Variants in JADE1 observed in about 807,000 individuals in gnomAD.
The protein encoded by JADE1 is protein Jade-1.
JADE1 carries 14 observed loss-of-function variants against 81.8 expected under a neutral mutation model. The observed-to-expected ratio is 0.17, with a 90% CI of 0.11 to 0.27. The LOEUF is 0.27. Ranked by LOEUF, JADE1 falls within the 10% of genes least tolerant of loss-of-function variation. JADE1 has a pLI of 1.00. For synonymous variants in JADE1, 353 were observed against 391.9 expected (o/e 0.90, Z 1.17); for missense variants, 690 against 1,047.9 (o/e 0.66, Z 4.71).
In JADE1 at chr4:128,813,657, G is replaced by T. The variant is rs149836670; in HGVS notation, c.-27+3780G>T. Among the ~76,000 whole-genome samples the T allele has an allele frequency of 6.0e-3, 912 of 151,850 alleles. 8 individuals are homozygous for T. Among genetic ancestry groups the T allele is most frequent in the African/African-American group, 0.019 (795 of 41,396 alleles). On this transcript the variant is annotated intron_variant, in intron 1 of 10. Coordinates refer to ENST00000226319, the MANE Select transcript of JADE1 (RefSeq NM_199320.4). ...AGGCTGGTCTCGAACTCCTGACCTC[G>T]TGATCCGCCCGCCCCGGCCTCTCAA...
intron 2 of JADE1, among the ~76,000 whole-genome samples, chr4:128,838,483 C>T (rs1729160013): frequency 6.6e-6 from 1 of 152,136 alleles, no homozygotes; most frequent in Admixed American, 6.5e-5. Context: ...TCGTCATGTG[C>T]TTAAATTAGT....
At chr4:128,861,679 C>T (rs1329449941) in intron 8 of JADE1, 25 bp from the exon 9 acceptor site, 3 of 1,609,250 alleles carry the variant, frequency 1.9e-6, no homozygotes, top group African/African-American at 1.3e-5. Flanking sequence ...GGTCTATTCT[C>T]ATGTTCTTTG....
intron 1 of JADE1, among the ~76,000 whole-genome samples, chr4:128,820,689 T>C (rs192273310): frequency 2.2e-3 from 331 of 152,080 alleles, no homozygotes; most frequent in Non-Finnish European, 4.0e-3. Flanking sequence ...TCTCTCTCTT[T>C]TTTTTTTTTA....
chr4:128,831,870 A>G (rs112023730), intron 2 of JADE1, 60 bp downstream of exon 2: 3 of 1,444,252 alleles, frequency 2.1e-6, no homozygotes, highest in African/African-American at 2.8e-5. Context: ...TAAAAACATG[A>G]TTTTTTAATG....
At position 128,833,560 on chromosome 4, in the gene JADE1, TG is replaced by T; in HGVS notation, c.52+1752del. On this transcript the variant is annotated intron_variant, in intron 2 of 10. Coordinates refer to ENST00000226319, the MANE Select transcript of JADE1 (RefSeq NM_199320.4). ...TCTACTAAAAATTAGCTGGGCATGA[TG>T]GTGTGTGCCTGTAGTCCAGCTACTC... Among the ~76,000 whole-genome samples, 3 of 152,172 alleles carry T rather than the reference TG, an allele frequency of 2.0e-5. 1 individual carries two copies. In the South Asian group the frequency reaches 6.2e-4, roughly 32 times the overall value.
Position 128,809,885 on chromosome 4 carries a change from C to A in JADE1, c.-27+8C>A, listed in dbSNP as rs1228908564. Reference sequence around the variant, plus strand: ...CGAACCCCTCCGCAGCAGGTACGCGCGCGGGCCGCGGGGGGCGCGCGGGGT... The same window carrying A: ...CGAACCCCTCCGCAGCAGGTACGCGAGCGGGCCGCGGGGGGCGCGCGGGGT... On this transcript the variant is annotated splice_region_variant and intron_variant, in intron 1 of 10. Transcript: ENST00000226319. 6.7e-6 allele frequency: 1 copy of A among 148,304 alleles called. No homozygotes were observed. The highest frequency in any genetic ancestry group is 1.5e-5 in the Non-Finnish European group (1 of 66,332). 9.2% of individuals were successfully genotyped at this position (148,304 alleles called of 1,614,324 possible).
intron 5 of JADE1, among the ~76,000 whole-genome samples, chr4:128,851,784 C>T (rs1730379934): frequency 6.6e-6 from 1 of 152,152 alleles, no homozygotes; most frequent in South Asian, 2.1e-4. Context: ...CCACCGCAGG[C>T]TCTTGAGTAG....
intron 2 of JADE1, among the ~76,000 whole-genome samples, chr4:128,838,643 T>C (rs967604331): frequency 6.6e-6 from 1 of 152,230 alleles, no homozygotes; most frequent in Non-Finnish European, 1.5e-5. Context: ...TCCTGGTCTT[T>C]TTAGTATTTA....
chr4:128,869,391 T>A (rs1161197360), intron 10 of JADE1, among the ~76,000 whole-genome samples: 2 of 152,228 alleles, frequency 1.3e-5, no homozygotes, highest in Non-Finnish European at 2.9e-5. Context: ...TTAACTGCCT[T>A]GGAAGACTGT....
At chr4:128,864,638 T>C in intron 9 of JADE1, 1 of 982,240 alleles carries the variant, frequency 1.0e-6, no homozygotes, top group Non-Finnish European at 1.2e-6. Context: ...ACCAACTTGT[T>C]TTCTCAAGTA....
In JADE1 at chr4:128,846,326, A is replaced by G. The variant is rs756792213; in HGVS notation, c.139-49A>G. 5.7e-6 allele frequency: 9 copies of G among 1,574,090 alleles called. No individual in the cohort carries two copies. The highest frequency in any genetic ancestry group is 7.9e-6 in the Non-Finnish European group (9 of 1,146,494). On this transcript the variant is annotated intron_variant, in intron 3 of 10. Coordinates refer to ENST00000226319, the MANE Select transcript of JADE1 (RefSeq NM_199320.4). This position sits in a 1 kb window ranked among gnomAD's most constrained non-coding sequence, Gnocchi z 4.0. ...TACATTGCAGCTGCCAGCACTCTGA[A>G]TAAGAATGCAAATATCAAATGTCAG...
At chr4:128,851,969 T>A in intron 5 of JADE1, 88 bp from the exon 6 acceptor site, 1 of 809,452 alleles carries the variant, frequency 1.2e-6, no homozygotes, top group Non-Finnish European at 2.0e-6. Context: ...TTATACATTA[T>A]TTTTAAGTAT....
In JADE1 at chr4:128,852,044, T is replaced by C. The variant is rs1182817950; in HGVS notation, c.485-13T>C. 1 of 1,598,256 alleles carries C rather than the reference T, an allele frequency of 6.3e-7. No homozygotes were observed. Among genetic ancestry groups the C allele is most frequent in the Non-Finnish European group, 8.6e-7 (1 of 1,165,930 alleles). On this transcript the variant is annotated splice_polypyrimidine_tract_variant and intron_variant, in intron 5 of 10. Coordinates refer to ENST00000226319, the MANE Select transcript of JADE1 (RefSeq NM_199320.4). The stretch of plus-strand genomic sequence containing the variant: ...ATTTATTAAAATGGGTTTTGTGGCA[T>C]TTTTAACTTCAGGAATGCCTGAACT...
At position 128,831,869 on chromosome 4, in the gene JADE1, G is replaced by C. The variant is rs563548773; in HGVS notation, c.52+59G>C. On this transcript the variant is annotated intron_variant, in intron 2 of 10. Transcript: ENST00000226319. Reference sequence around the variant, plus strand: ...AGGGTTTGGGTCGGGGTAAAAACATGATTTTTTAATGTAATGCTTTAAATT... The same window carrying C: ...AGGGTTTGGGTCGGGGTAAAAACATCATTTTTTAATGTAATGCTTTAAATT... The C allele has an allele frequency of 2.7e-6, 4 of 1,462,644 alleles. No homozygotes were observed. The Admixed American group carries it at 6.7e-5, about 25-fold the overall frequency. The allele number at this position is 1,462,644 out of a possible 1,614,324, so 90.6% of individuals were successfully genotyped here. A position where few individuals can be genotyped will look rare whatever the true frequency, so the allele number is the denominator to read the frequency against.
At position 128,861,894 on chromosome 4, in the gene JADE1, G is replaced by A; in HGVS notation, c.1172G>A (p.Cys391Tyr). 1 of 1,614,090 alleles carries A rather than the reference G, an allele frequency of 6.2e-7. No individual in the cohort carries two copies. Among genetic ancestry groups the A allele is most frequent in the Non-Finnish European group, 8.5e-7 (1 of 1,179,952 alleles). Reference protein sequence around the residue: ...GAAQENGAPECSPRNPLEPFA... With the variant: ...GAAQENGAPEYSPRNPLEPFA... ...GCACAGGAGAATGGGGCCCCTGAGT[G>A]TTCCCCCCGGAATCCGCTGGAGCCC... The change falls in exon 9 of 11, where the codon TGT becomes TAT. Residue 391 changes from cysteine to tyrosine, a missense_variant. By Grantham distance (194) the Cys-to-Tyr change is radical. Coordinates refer to ENST00000226319, the MANE Select transcript of JADE1 (RefSeq NM_199320.4).
chr4:128,867,765 A>G, intron 9 of JADE1, 91 bp from the exon 10 acceptor site: 1 of 695,606 alleles, frequency 1.4e-6, no homozygotes. Flanking sequence ...CCCTAGTAGG[A>G]GTAATTTCTC....
intron 9 of JADE1, chr4:128,863,160 G>T: frequency 1.0e-6 from 1 of 985,526 alleles, no homozygotes; most frequent in Non-Finnish European, 1.2e-6. Context: ...CACCTCTGGA[G>T]TCCCGTCTGG....
chr4:128,845,609 T>G (rs887931952), intron 3 of JADE1, among the ~76,000 whole-genome samples: 1 of 151,930 alleles, frequency 6.6e-6, no homozygotes, highest in Non-Finnish European at 1.5e-5. Flanking sequence ...GTGGGGGCAG[T>G]CTCATTATAG....
intron 9 of JADE1, chr4:128,862,841 A>G: frequency 2.0e-6 from 2 of 990,432 alleles, no homozygotes; most frequent in Non-Finnish European, 1.2e-6. Flanking sequence ...ACACATGCAT[A>G]TATCTGTTAC....
Sources: gnomAD v4.1 joint callset for allele counts (sites outside exome capture counted in the v4.1 genomes callset) on GRCh38, gnomAD v4.1.1 for gene constraint, Gnocchi (gnomAD v3.1) non-coding constraint, MANE v1.5 for transcripts, NCBI Gene and HGNC (gene_info 2026-07-23, HGNC 2026-07-21) for gene names.